UGT1A9: variants seen among roughly 807,000 people sequenced by gnomAD.
UGT1A9 encodes UDP glucuronosyltransferase family 1 member A9, also known as UDP-glucuronosyltransferase 1A9.
A neutral mutation model predicts 45.0 loss-of-function variants in UGT1A9; 35 were observed. That is an observed-to-expected ratio of 0.78 (90% CI 0.59 to 1.03). The LOEUF (loss-of-function observed/expected upper bound fraction) is 1.03, where lower values mean the gene tolerates loss of function less well. Among genes scored for constraint, UGT1A9 ranks in the 50% least tolerant of loss-of-function variants. The probability of loss-of-function intolerance (pLI) is 0.00; values close to 1 mark genes in which losing one functional copy is unlikely to be tolerated. For synonymous variants in UGT1A9, 278 were observed against 250.6 expected, an observed-to-expected ratio of 1.11 and a Z score of -1.03; for missense variants, 687 against 666.6, an observed-to-expected ratio of 1.03 and a Z score of -0.34.
chr2:233,749,114 A>G (rs113228961), intron 1 of UGT1A9, among the ~76,000 whole-genome samples: 3 of 151,858 alleles, frequency 2.0e-5, no homozygotes, highest in African/African-American at 7.3e-5. Flanking sequence ...CAGCCTTTTT[A>G]TGTCATATTC....
intron 1 of UGT1A9, among the ~76,000 whole-genome samples, chr2:233,703,968 G>A (rs1458834723): frequency 2.6e-5 from 4 of 151,690 alleles, no homozygotes; most frequent in Non-Finnish European, 2.9e-5. Context: ...TTGGCCCACT[G>A]CAACCTCCGC....
chr2:233,767,666 C>T (rs143192680), intron 2 of UGT1A9, among the ~76,000 whole-genome samples, 183 bp from the exon 3 acceptor site: 1 of 152,190 alleles, frequency 6.6e-6, no homozygotes, highest in East Asian at 1.9e-4. Flanking sequence ...ACCCTTGTAA[C>T]TAAACCTCCA....
At chr2:233,747,820 A>T in intron 1 of UGT1A9, 1 of 1,613,402 alleles carries the variant, frequency 6.2e-7, no homozygotes, top group East Asian at 2.2e-5. Context: ...ACCAATTCAG[A>T]CCACATGACA....
intron 1 of UGT1A9, chr2:233,719,659 A>G: frequency 1.9e-6 from 3 of 1,614,092 alleles, no homozygotes; most frequent in South Asian, 1.1e-5. Context: ...GGGGGCATCA[A>G]CTGTGCCAAC....
In UGT1A9 at chr2:233,672,582, A is replaced by G. The variant is rs770437442; in HGVS notation, c.648A>G (p.Glu216=). 1.2e-6 allele frequency: 2 copies of G among 1,613,952 alleles called. No homozygotes were observed. Among genetic ancestry groups the G allele is most frequent in the Non-Finnish European group, 1.7e-6 (2 of 1,179,848 alleles). ...RVRNHIMHLE[E]HLLCHRFFKN... is the part of the protein sequence containing the mutation. The stretch of plus-strand genomic sequence containing the variant: ...GGAACCACATCATGCACTTGGAGGA[A>G]CATTTATTATGCCACCGTTTTTTCA... Residue 216 remains glutamate, a synonymous_variant, in exon 1 of 5, where the codon GAA becomes GAG. Transcript: ENST00000354728.
intron 1 of UGT1A9, among the ~76,000 whole-genome samples, chr2:233,678,665 G>A (rs921391959): frequency 6.6e-6 from 1 of 152,134 alleles, no homozygotes; most frequent in East Asian, 1.9e-4. Flanking sequence ...TTTCTATGAG[G>A]CTTGTATTGT....
Position 233,741,236 on chromosome 2 carries a change from A to C in UGT1A9, c.856-25798A>C, listed in dbSNP as rs1691598221. ...AGTTGTTACAGACCCACTACCTCTG[A>C]GTGACACTGGTATGCCACTCTTTGC... On this transcript the variant is annotated intron_variant, in intron 1 of 4. Coordinates refer to ENST00000354728, the MANE Select transcript of UGT1A9 (RefSeq NM_021027.3). 1.3e-5 allele frequency among the ~76,000 whole-genome samples: 2 copies of C among 151,870 alleles called. 1 individual carries two copies. The highest frequency in any genetic ancestry group is 4.9e-5 in the African/African-American group (2 of 41,122).
At chr2:233,672,977 G>C (rs1208714981) in intron 1 of UGT1A9, among the ~76,000 whole-genome samples, 188 bp downstream of exon 1, 2 of 152,078 alleles carry the variant, frequency 1.3e-5, no homozygotes, top group Non-Finnish European at 2.9e-5. Flanking sequence ...CCTTCTTGAA[G>C]ATATGTATTT....
At chr2:233,766,011 C>T (rs921466084) in intron 1 of UGT1A9, among the ~76,000 whole-genome samples, 4 of 152,188 alleles carry the variant, frequency 2.6e-5, no homozygotes, top group African/African-American at 9.6e-5. Context: ...TGGGTTATGG[C>T]CTTCTTTTAG....
rs763166349 is a variant in UGT1A9, at chr2:233,729,716, T to C, written c.856-37318T>C. On this transcript the variant is annotated intron_variant, in intron 1 of 4. Coordinates refer to ENST00000354728, the MANE Select transcript of UGT1A9 (RefSeq NM_021027.3). ...AACCCTTCCTCCTATATTCCTAGAT[T>C]ACTAACAACCAATTCAGACCACATG... 5.6e-6 allele frequency: 9 copies of C among 1,613,852 alleles called. No individual in the cohort carries two copies. The African/African-American group carries it at 9.3e-5, about 17-fold the overall frequency.
At chr2:233,729,142 C>T (rs757429126) in intron 1 of UGT1A9, 2 of 1,613,410 alleles carry the variant, frequency 1.2e-6, no homozygotes, top group Non-Finnish European at 1.7e-6. Context: ...CACAGGACTC[C>T]AGGTTCCCCT....
intron 1 of UGT1A9, chr2:233,760,815 A>G: frequency 6.2e-7 from 1 of 1,613,556 alleles, no homozygotes; most frequent in Non-Finnish European, 8.5e-7. Context: ...ATGCACTGCC[A>G]TGCAGCCTGG....
intron 4 of UGT1A9, chr2:233,770,796 T>G (rs1486074516): frequency 6.6e-6 from 1 of 152,204 alleles, no homozygotes; most frequent in Non-Finnish European, 1.5e-5. Context: ...TATAGATATG[T>G]TTAAAGACAG....
chr2:233,737,856 T>C (rs1690612463), intron 1 of UGT1A9, among the ~76,000 whole-genome samples: 1 of 152,152 alleles, frequency 6.6e-6, no homozygotes, highest in Admixed American at 6.5e-5. Context: ...ACTCTTGCTA[T>C]GCCCCTTAAG....
intron 1 of UGT1A9, among the ~76,000 whole-genome samples, chr2:233,757,266 G>A (rs1402827144): frequency 1.5e-5 from 2 of 132,588 alleles, no homozygotes; most frequent in African/African-American, 5.6e-5. Context: ...GGTGGCAGCC[G>A]ATGCAATGAT....
In UGT1A9 at chr2:233,672,646, C is replaced by T. The variant is rs759809207; in HGVS notation, c.712C>T (p.Pro238Ser). The change falls in exon 1 of 5, where the codon CCT (proline) becomes TCT (serine). Residue 238 changes from proline (P) to serine (S), a missense_variant. Coordinates refer to ENST00000354728, the MANE Select transcript of UGT1A9 (RefSeq NM_021027.3). ...LEIASEILQTPVTEYDLYSHT... is the reference protein window; with the variant it reads ...LEIASEILQTSVTEYDLYSHT... ...AATAGCCTCTGAAATTCTCCAAACA[C>T]CTGTTACGGAGTATGATCTCTACAG... The T allele has an allele frequency of 9.3e-6, 15 of 1,613,778 alleles. No homozygotes were observed. In the African/African-American group the frequency reaches 9.3e-5, roughly 10 times the overall value.
At chr2:233,713,006 C>T (rs755278737) in intron 1 of UGT1A9, 4 of 1,613,544 alleles carry the variant, frequency 2.5e-6, no homozygotes, top group Non-Finnish European at 3.4e-6. Context: ...CCACAGGACT[C>T]CAGGTTCCCC....
downstream of UGT1A9, chr2:233,773,300 AT>A (rs1228991632): frequency 6.6e-6 from 1 of 152,190 alleles, no homozygotes; most frequent in Non-Finnish European, 1.5e-5. Context: ...TATAAATTCT[AT>A]TTAAGTGTTT....
At chr2:233,751,929 T>C (rs1393855329) in intron 1 of UGT1A9, among the ~76,000 whole-genome samples, 1 of 152,160 alleles carries the variant, frequency 6.6e-6, no homozygotes, top group South Asian at 2.1e-4. Flanking sequence ...TTGGTGGTGA[T>C]TGAAGTTATA....
Sources: allele counts gnomAD v4.1 joint callset (sites outside exome capture counted in the v4.1 genomes callset), GRCh38; gene constraint gnomAD v4.1.1; transcripts MANE v1.5; gene names NCBI Gene and HGNC (gene_info 2026-07-23, HGNC 2026-07-21).